Variants in CCDC136 observed in about 807,000 individuals in gnomAD.
CCDC136 encodes the protein coiled-coil domain containing 136.
CCDC136 carries 100 observed loss-of-function variants against 141.2 expected under a neutral mutation model. The ratio of observed to expected loss-of-function variants is 0.71; its 90% confidence interval spans 0.60 to 0.84. The LOEUF is 0.84. CCDC136 is among the 40% of genes least tolerant of loss of function. The pLI, the probability that CCDC136 is intolerant of heterozygous loss-of-function variation, is 0.00. For synonymous variants in CCDC136, 474 were observed against 531.9 expected (o/e 0.89, Z 1.50); for missense variants, 1,206 against 1,379.4 (o/e 0.87, Z 1.99).
chr7:128,794,621 G>A lies in CCDC136; in HGVS notation c.271+19G>A, dbSNP rs1429379721. The A allele has an allele frequency of 1.3e-6, 2 of 1,532,366 alleles. No homozygotes were observed. Among genetic ancestry groups the A allele is most frequent in the East Asian group, 2.5e-5 (1 of 40,732 alleles). 94.9% of individuals were successfully genotyped at this position (1,532,366 alleles called of 1,614,324 possible). A position where few individuals can be genotyped will look rare whatever the true frequency, so the allele number is the denominator to read the frequency against. On this transcript the variant is annotated intron_variant, in intron 2 of 17. Coordinates refer to ENST00000297788, the MANE Select transcript of CCDC136 (RefSeq NM_022742.5). The surrounding 1 kb of genome is among the most constrained non-coding windows in gnomAD (Gnocchi z 4.3). ...CTACAGGGTGAGTGCCTGGGCCAGG[G>A]CCCAGTGCCCGGGCCCAGAGGCTCT...
chr7:128,819,910 T>C (rs756744943), intron 17 of CCDC136, among the ~76,000 whole-genome samples: 5 of 152,236 alleles, frequency 3.3e-5, no homozygotes, highest in African/African-American at 4.8e-5. Context: ...ATTTATTTCA[T>C]GTATTTTTTA....
At position 128,806,395 on chromosome 7, in the gene CCDC136, G is replaced by C. The variant is rs1804841598; in HGVS notation, c.1248G>C (p.Lys416Asn). 2.5e-6 allele frequency: 4 copies of C among 1,598,344 alleles called. No individual in the cohort carries two copies. Among genetic ancestry groups the C allele is most frequent in the Non-Finnish European group, 3.4e-6 (4 of 1,170,274 alleles). Residue 416 changes from lysine (K) to asparagine (N), a missense_variant and splice_region_variant, in exon 8 of 18, where the codon AAG becomes AAC. Lys to Asn is a moderately conservative substitution (Grantham distance 94). Transcript: ENST00000297788. ...KSTLVENQSE[K>N]ELLCRLQKLH... is the part of the protein sequence containing the mutation. ...CACTTGTAGAAAACCAGAGTGAGAA[G>C]GTAACAGCAACCAGAGGTGAGGGGA...
At chr7:128,811,163 G>A (rs561074386) in intron 12 of CCDC136, 48 of 384,182 alleles carry the variant, frequency 1.2e-4, no homozygotes, top group African/African-American at 8.5e-4. Context: ...AGTCAACACT[G>A]TGAGGCTGGA....
At position 128,794,912 on chromosome 7, in the gene CCDC136, C is replaced by A. The variant is rs75172258; in HGVS notation, c.346+144C>A. On this transcript the variant is annotated intron_variant, in intron 3 of 17. Coordinates refer to ENST00000297788, the MANE Select transcript of CCDC136 (RefSeq NM_022742.5). The surrounding 1 kb of genome is among the most constrained non-coding windows in gnomAD (Gnocchi z 4.3). ...CCTCATTTTCCTCTACTAGTCTCAC[C>A]CTTTTCCTCTCCTTGTCTCTCCATC... The A allele has an allele frequency of 9.2e-6, 6 of 655,436 alleles. No homozygotes were observed. In the African/African-American group the frequency reaches 1.1e-4, roughly 12 times the overall value. 40.6% of individuals were successfully genotyped at this position (655,436 alleles called of 1,614,324 possible).
In CCDC136 at chr7:128,792,322, C is replaced by T. The variant is rs1235506419; in HGVS notation, c.-90C>T. 2 of 1,585,080 alleles carry T rather than the reference C, an allele frequency of 1.3e-6. No homozygotes were observed. Among genetic ancestry groups the T allele is most frequent in the Non-Finnish European group, 1.7e-6 (2 of 1,161,168 alleles). Reference sequence around the variant, plus strand: ...CCCTCCTTTCTCCCTGCTCTCAGGACCCACAGTGACCACTCTAGGCTCCTA... The same window carrying T: ...CCCTCCTTTCTCCCTGCTCTCAGGATCCACAGTGACCACTCTAGGCTCCTA... On this transcript the variant is annotated 5_prime_UTR_variant, in exon 1 of 18. Transcript: ENST00000297788.
Position 128,815,834 on chromosome 7 carries a change from A to G in CCDC136, c.3266A>G (p.Glu1089Gly). 6.2e-7 allele frequency: 1 copy of G among 1,612,696 alleles called. No homozygotes were observed. The highest frequency in any genetic ancestry group is 8.5e-7 in the Non-Finnish European group (1 of 1,179,394). The change falls in exon 16 of 18, where the codon GAG becomes GGG. Residue 1089 changes from glutamate (E) to glycine (G), a missense_variant. Physicochemically the swap from Glu to Gly is moderately conservative, Grantham distance 98. Transcript: ENST00000297788. ...EENEEDKEEE[E>G]KEEDSEEEED... is the part of the protein sequence containing the mutation. Reference sequence around the variant, plus strand: ...AATGAAGAGGACAAAGAGGAAGAGGAGAAGGAAGAAGACAGTGAAGAGGAG... The same window carrying G: ...AATGAAGAGGACAAAGAGGAAGAGGGGAAGGAAGAAGACAGTGAAGAGGAG...
chr7:128,820,438 G>GC (rs1260484449), intron 17 of CCDC136, among the ~76,000 whole-genome samples: 6 of 152,202 alleles, frequency 3.9e-5, no homozygotes, highest in Non-Finnish European at 5.9e-5. Flanking sequence ...CCCATCCCAT[G>GC]TAGAAGCTTG....
chr7:128,792,406 C>A lies in CCDC136; in HGVS notation c.-6C>A, dbSNP rs775724167. The A allele has an allele frequency of 6.2e-7, 1 of 1,610,900 alleles. No homozygotes were observed. Among genetic ancestry groups the A allele is most frequent in the East Asian group, 2.3e-5 (1 of 44,444 alleles). ...CCAACGCTGGGGGTCCCTGGAACGA[C>A]GGGGGATGCAAGCTATGGAGGGTGA... On this transcript the variant is annotated 5_prime_UTR_variant, in exon 1 of 18. Transcript: ENST00000297788.
At chr7:128,802,247 T>C (rs1301146169) in intron 4 of CCDC136, among the ~76,000 whole-genome samples, 1 of 152,162 alleles carries the variant, frequency 6.6e-6, no homozygotes, top group Non-Finnish European at 1.5e-5. Context: ...TTGCTAGGAT[T>C]CATGACATCA....
At position 128,809,693 on chromosome 7, in the gene CCDC136, A is replaced by G. The variant is rs750839831; in HGVS notation, c.1800+49A>G. ...TAACTGCGGGGAAGCTGCTCTGAGA[A>G]GCTTCCCTGTGTGACTAGGGAAAAA... On this transcript the variant is annotated intron_variant, in intron 11 of 17. Coordinates refer to ENST00000297788, the MANE Select transcript of CCDC136 (RefSeq NM_022742.5). 12 of 1,347,076 alleles carry G rather than the reference A, an allele frequency of 8.9e-6. No individual in the cohort carries two copies. In the South Asian group the frequency reaches 1.5e-4, roughly 17 times the overall value. The allele number at this position is 1,347,076 out of a possible 1,614,324, so 83.4% of individuals were successfully genotyped here.
At chr7:128,808,515 C>T (rs1286223890) in intron 10 of CCDC136, 57 of 985,272 alleles carry the variant, frequency 5.8e-5, no homozygotes, top group Non-Finnish European at 6.5e-5. Flanking sequence ...TGAGCACTTT[C>T]AGCTCCTGAT....
rs1291730157 is a variant in CCDC136 at position 128,817,225 on chromosome 7, T to C, written c.3364-533T>C. ...AAATCGGTTTCTCTCTGGAAGATTG[T>C]TGCAGTGAAAGAACTAGCCCTTCTC... On this transcript the variant is annotated intron_variant, in intron 16 of 17. Transcript: ENST00000297788. This position sits in a 1 kb window ranked among gnomAD's most constrained non-coding sequence, Gnocchi z 4.6. 1.3e-5 allele frequency among the ~76,000 whole-genome samples: 2 copies of C among 152,222 alleles called. No individual in the cohort carries two copies. Among genetic ancestry groups the C allele is most frequent in the Non-Finnish European group, 2.9e-5 (2 of 68,038 alleles).
intron 14 of CCDC136, among the ~76,000 whole-genome samples, chr7:128,813,355 C>A (rs1043121914): frequency 7.2e-5 from 11 of 152,182 alleles, no homozygotes; most frequent in Admixed American, 4.6e-4. Context: ...AAGAAGAGTG[C>A]TCTGCACCCC....
chr7:128,806,226 C>A lies in CCDC136; in HGVS notation c.1090-11C>A. 4 of 1,551,460 alleles carry A rather than the reference C, an allele frequency of 2.6e-6. No homozygotes were observed. The highest frequency in any genetic ancestry group is 3.5e-6 in the Non-Finnish European group (4 of 1,144,402). ...AGAGTAACTGTTCTACTCACATCCTCCCTACCACAGAATGAGGAGCTGAAG... is the reference window on the plus strand; with the variant it reads ...AGAGTAACTGTTCTACTCACATCCTACCTACCACAGAATGAGGAGCTGAAG... On this transcript the variant is annotated splice_polypyrimidine_tract_variant and intron_variant, in intron 7 of 17. Coordinates refer to ENST00000297788, the MANE Select transcript of CCDC136 (RefSeq NM_022742.5).
In CCDC136 at chr7:128,821,853, C is replaced by G. The variant is rs1001920056; in HGVS notation, c.*60C>G. 1 of 1,290,138 alleles carries G rather than the reference C, an allele frequency of 7.8e-7. No individual in the cohort carries two copies. Among genetic ancestry groups the G allele is most frequent in the African/African-American group, 1.5e-5 (1 of 65,848 alleles). The allele number at this position is 1,290,138 out of a possible 1,614,324, so 79.9% of individuals were successfully genotyped here. ...ATTCTTGGCTATTGCAGCTGTGGCTCTGTATGTGTTACCCAACATGCGACA... is the reference window on the plus strand; with the variant it reads ...ATTCTTGGCTATTGCAGCTGTGGCTGTGTATGTGTTACCCAACATGCGACA... On this transcript the variant is annotated 3_prime_UTR_variant, in exon 18 of 18. Transcript: ENST00000297788. This position sits in a 1 kb window ranked among gnomAD's most constrained non-coding sequence, Gnocchi z 5.1.
chr7:128,792,522 AC>A (rs1274855249), intron 1 of CCDC136, 95 bp downstream of exon 1: 1 of 915,096 alleles, frequency 1.1e-6, no homozygotes, highest in Non-Finnish European at 1.7e-6. Flanking sequence ...GAGCCAGGAC[AC>A]AGCCCTTCCC....
chr7:128,812,344 G>A (rs181865735), intron 13 of CCDC136, 32 bp downstream of exon 13: 1 of 1,590,226 alleles, frequency 6.3e-7, no homozygotes, highest in East Asian at 2.3e-5. Context: ...GTCAGGCAGG[G>A]GACGATGGAC....
rs1340517816 is a variant in CCDC136, at chr7:128,821,748, G to GGGCA, written c.*6-48_*6-45dup. 5.8e-5 allele frequency: 74 copies of GGGCA among 1,285,842 alleles called. No individual in the cohort carries two copies. Among genetic ancestry groups the GGGCA allele is most frequent in the Non-Finnish European group, 7.5e-5 (74 of 985,132 alleles). The allele number at this position is 1,285,842 out of a possible 1,614,324, so 79.7% of individuals were successfully genotyped here. On this transcript the variant is annotated intron_variant, in intron 17 of 17. Transcript: ENST00000297788. This position sits in a 1 kb window ranked among gnomAD's most constrained non-coding sequence, Gnocchi z 5.1. ...CCATAGGCAGGTGACTTCTGGCTTA[G>GGGCA]GGCAGGGTTCAGGAGGCTGGGCACT...
Position 128,801,329 on chromosome 7 carries a change from C to T in CCDC136, c.490C>T (p.His164Tyr), listed in dbSNP as rs1244219563. The change falls in exon 4 of 18, where the codon CAT (histidine) becomes TAT (tyrosine). Residue 164 changes from histidine to tyrosine, a missense_variant. His to Tyr is a moderately conservative substitution (Grantham distance 83). Transcript: ENST00000297788. The stretch of plus-strand genomic sequence containing the variant: ...AGCAGCAGAGGATTCCGCAACTGAA[C>T]ATGAGAGTGACATAGCATCCCTGCA... ...RQAAEDSATEHESDIASLQED... is the reference protein window; with the variant it reads ...RQAAEDSATEYESDIASLQED... The T allele has an allele frequency of 6.2e-7, 1 of 1,613,798 alleles. No homozygotes were observed. Among genetic ancestry groups the T allele is most frequent in the South Asian group, 1.1e-5 (1 of 91,034 alleles).
Sources: allele counts gnomAD v4.1 joint callset (sites outside exome capture counted in the v4.1 genomes callset), GRCh38; gene constraint gnomAD v4.1.1; non-coding constraint Gnocchi (gnomAD v3.1); transcripts MANE v1.5; gene names NCBI Gene and HGNC (gene_info 2026-07-23, HGNC 2026-07-21).